The following MME variants were observed in gnomAD, a reference collection of about 807,000 sequenced individuals.
The protein encoded by MME is neprilysin.
A neutral mutation model predicts 113.2 loss-of-function variants in MME; 98 were observed. That is an observed-to-expected ratio of 0.87 (90% CI 0.74 to 1.02). The LOEUF (loss-of-function observed/expected upper bound fraction) is 1.02. Ranked by LOEUF, MME falls within the 50% of genes least tolerant of loss-of-function variation. The pLI is 0.00. For synonymous variants in MME, 292 were observed against 300.6 expected (o/e 0.97, Z 0.30); for missense variants, 836 against 896.0 (o/e 0.93, Z 0.86).
chr3:155,088,282 T>G (rs1447193774), intron 3 of MME, among the ~76,000 whole-genome samples: 5 of 152,136 alleles, frequency 3.3e-5, no homozygotes, highest in Non-Finnish European at 7.3e-5. Context: ...ATACAACTAT[T>G]TCTTTTAGAA....
At chr3:155,127,351 A>G (rs756589667) in intron 8 of MME, among the ~76,000 whole-genome samples, 1 of 152,182 alleles carries the variant, frequency 6.6e-6, no homozygotes, top group Non-Finnish European at 1.5e-5. Flanking sequence ...CTATTTGGTC[A>G]AAGTTGGTTC....
At chr3:155,079,180 G>C (rs1714896323), upstream of MME, among the ~76,000 whole-genome samples, 1 of 152,010 alleles carries the variant, frequency 6.6e-6, no homozygotes, top group Non-Finnish European at 1.5e-5. Context: ...AGGAAAGAAG[G>C]AAACGGGGAG....
intron 3 of MME, among the ~76,000 whole-genome samples, chr3:155,092,017 C>G (rs1031157492): frequency 6.6e-6 from 1 of 152,148 alleles, no homozygotes; most frequent in African/African-American, 2.4e-5. Flanking sequence ...ACCTGGAGTT[C>G]TGATGTCTAA....
chr3:155,037,309 T>C (rs1376049735), intron 1 of MME, among the ~76,000 whole-genome samples: 2 of 152,176 alleles, frequency 1.3e-5, no homozygotes, highest in African/African-American at 2.4e-5. Flanking sequence ...ATCTGATAAA[T>C]AGAAATTCTC....
At chr3:155,104,481 G>A (rs1032602017) in intron 3 of MME, among the ~76,000 whole-genome samples, 1 of 152,340 alleles carries the variant, frequency 6.6e-6, no homozygotes, top group South Asian at 2.1e-4. Context: ...CATTCGAGAA[G>A]CACTGTCGAC....
chr3:155,063,502 T>G (rs1295892729), intron 1 of MME, among the ~76,000 whole-genome samples: 2 of 113,180 alleles, frequency 1.8e-5, no homozygotes, highest in Admixed American at 2.2e-4. Context: ...TATATTTAAA[T>G]ATATATATTT....
chr3:155,118,868 C>T (rs2108261752), intron 8 of MME, 57 bp downstream of exon 8: 2 of 1,117,536 alleles, frequency 1.8e-6, no homozygotes, highest in Admixed American at 4.0e-5. Context: ...TGTAAACCTA[C>T]AAGTAATGAA....
In MME at chr3:155,137,275, C is replaced by T. The variant is rs116659073; in HGVS notation, c.721-827C>T. Among the ~76,000 whole-genome samples the T allele has an allele frequency of 4.9e-3, 745 of 152,092 alleles. 2 individuals carry two copies. The highest frequency in any genetic ancestry group is 0.017 in the African/African-American group (710 of 41,480). ...AGGTGTGTGTTGGTGGAGCTCCTGA[C>T]AACACAGCTTCATAAAAAAGAAACT... On this transcript the variant is annotated intron_variant, in intron 8 of 22. Coordinates refer to ENST00000360490, the MANE Select transcript of MME (RefSeq NM_007289.4).
intron 1 of MME, among the ~76,000 whole-genome samples, chr3:155,042,266 C>T (rs1362146124): frequency 6.6e-6 from 1 of 152,166 alleles, no homozygotes; most frequent in Non-Finnish European, 1.5e-5. Flanking sequence ...TTTCTTCCAT[C>T]AGCTGGGTCA....
At chr3:155,104,762 C>G (rs1717552164) in intron 3 of MME, among the ~76,000 whole-genome samples, 1 of 152,198 alleles carries the variant, frequency 6.6e-6, no homozygotes, top group Non-Finnish European at 1.5e-5. Flanking sequence ...GTAGCCTTTT[C>G]ATGACCTTCT....
In MME at chr3:155,180,846, C is replaced by A; in HGVS notation, c.*387C>A. On this transcript the variant is annotated 3_prime_UTR_variant, in exon 23 of 23. Coordinates refer to ENST00000360490, the MANE Select transcript of MME (RefSeq NM_007289.4). ...GATGTTGAAGAATACAGTTAGGCAC[C>A]AGAAGAACAGTAGGTGACACTATAG... is the stretch of plus-strand genomic sequence containing the variant. The A allele has an allele frequency of 4.1e-6, 1 of 245,058 alleles. No individual in the cohort carries two copies. Among genetic ancestry groups the A allele is most frequent in the Non-Finnish European group, 8.2e-6 (1 of 122,320 alleles). The allele number at this position is 245,058 out of a possible 1,614,324, so 15.2% of individuals were successfully genotyped here. A position where few individuals can be genotyped will look rare whatever the true frequency, so the allele number is the denominator to read the frequency against.
Position 155,168,748 on chromosome 3 carries a change from C to T in MME, c.1931C>T (p.Thr644Ile). The change falls in exon 20 of 23, where the codon ACA becomes ATA. Residue 644 changes from threonine to isoleucine, a missense_variant. Physicochemically the swap from Thr to Ile is moderately conservative, Grantham distance 89. Coordinates refer to ENST00000360490, the MANE Select transcript of MME (RefSeq NM_007289.4). ...TTTTAACAGCTTAATGGAATTAATACACTGGGAGAAAACATTGCTGATAAT... is the reference window on the plus strand; with the variant it reads ...TTTTAACAGCTTAATGGAATTAATATACTGGGAGAAAACATTGCTGATAAT... ...AGGQHLNGIN[T>I]LGENIADNGG... 3.7e-6 allele frequency: 6 copies of T among 1,613,172 alleles called. No individual in the cohort carries two copies. Among genetic ancestry groups the T allele is most frequent in the Non-Finnish European group, 5.1e-6 (6 of 1,179,350 alleles).
At chr3:155,069,427 G>A (rs996337653) in intron 1 of MME, among the ~76,000 whole-genome samples, 7 of 152,142 alleles carry the variant, frequency 4.6e-5, no homozygotes, top group African/African-American at 1.4e-4. Flanking sequence ...TGATCAGCTC[G>A]TGGCAACTCA....
At chr3:155,070,211 A>C (rs1714508383) in intron 1 of MME, among the ~76,000 whole-genome samples, 1 of 152,194 alleles carries the variant, frequency 6.6e-6, no homozygotes, top group Non-Finnish European at 1.5e-5. Flanking sequence ...GCCTAGTTTT[A>C]AAATTTATGG....
intron 3 of MME, among the ~76,000 whole-genome samples, chr3:155,088,704 AG>A (rs1278521185): frequency 6.6e-6 from 1 of 151,860 alleles, no homozygotes; most frequent in East Asian, 1.9e-4. Flanking sequence ...AAAAAAGAAA[AG>A]AAAGAAATAT....
At chr3:155,075,711 C>T (rs1349149779), upstream of MME, among the ~76,000 whole-genome samples, 2 of 151,972 alleles carry the variant, frequency 1.3e-5, no homozygotes, top group Non-Finnish European at 2.9e-5. Flanking sequence ...TTTATTTAGC[C>T]AGGGTCTCAC....
At chr3:155,071,778 A>G (rs527662502) in intron 1 of MME, among the ~76,000 whole-genome samples, 1 of 152,356 alleles carries the variant, frequency 6.6e-6, no homozygotes, top group South Asian at 2.1e-4. Context: ...TACTTTCAAT[A>G]TGAAAAAGTC....
At chr3:155,059,232 T>G (rs1714051152) in intron 1 of MME, among the ~76,000 whole-genome samples, 1 of 142,394 alleles carries the variant, frequency 7.0e-6, no homozygotes, top group South Asian at 2.2e-4. Context: ...GCACTCCAAC[T>G]TGGGCTACAG....
At chr3:155,088,648 A>C (rs1715995523) in intron 3 of MME, among the ~76,000 whole-genome samples, 2 of 150,080 alleles carry the variant, frequency 1.3e-5, no homozygotes, top group South Asian at 4.2e-4. Flanking sequence ...GCGCCATTGC[A>C]CTACAGCCTG....
Sources: gnomAD v4.1 joint callset for allele counts (sites outside exome capture counted in the v4.1 genomes callset) on GRCh38, gnomAD v4.1.1 for gene constraint, MANE v1.5 for transcripts, NCBI Gene and HGNC (gene_info 2026-07-23, HGNC 2026-07-21) for gene names.